Variants in CENPI observed in about 807,000 individuals in gnomAD.
The protein encoded by CENPI is centromere protein I, also known as FSH primary response 1.
CENPI carries 4 observed loss-of-function variants against 60.4 expected under a neutral mutation model. The observed-to-expected ratio is 0.07, with a 90% CI of 0.03 to 0.15. CENPI has a LOEUF of 0.15. Ranked by LOEUF, CENPI falls within the 10% of genes least tolerant of loss-of-function variation. The pLI, the probability that CENPI is intolerant of heterozygous loss-of-function variation, is 1.00. For missense variants in CENPI, 444 were observed against 534.5 expected (o/e 0.83, Z 1.67); for synonymous variants, 157 against 189.4 (o/e 0.83, Z 1.40).
In CENPI at chrX:101,127,006, A is replaced by C. The variant is rs746722302; in HGVS notation, c.778-132A>C. ...TTAATAGATTACTAATCAGAAAAAAAAATACTTTAAGTGCATTTGTATGGG... is the reference window on the plus strand; with the variant it reads ...TTAATAGATTACTAATCAGAAAAAACAATACTTTAAGTGCATTTGTATGGG... On this transcript the variant is annotated intron_variant, in intron 9 of 21. Coordinates refer to ENST00000682095, the MANE Select transcript of CENPI (RefSeq NM_001386188.2). The C allele has an allele frequency of 2.9e-4, 182 of 625,389 alleles. 1 individual carries two copies. The highest frequency in any genetic ancestry group is 4.1e-4 in the Non-Finnish European group (174 of 425,780). 51.5% of individuals were successfully genotyped at this position (625,389 alleles called of 1,213,427 possible). A position where few individuals can be genotyped will look rare whatever the true frequency, so the allele number is the denominator to read the frequency against.
intron 8 of CENPI, among the ~76,000 whole-genome samples, chrX:101,126,205 T>C (rs1272883722): frequency 8.9e-6 from 1 of 112,404 alleles, no homozygotes; most frequent in Non-Finnish European, 1.9e-5. Flanking sequence ...ACATCTTTCG[T>C]TGTGAAATTA....
chrX:101,171,629 G>A, the CENPI span, among the ~76,000 whole-genome samples: 1 of 111,203 alleles, frequency 9.0e-6, no homozygotes, highest in Non-Finnish European at 1.9e-5. Flanking sequence ...AACTGAGTCT[G>A]TGGCTCAGGC....
chrX:101,109,583 A>G lies in CENPI; in HGVS notation c.475A>G (p.Ser159Gly). Residue 159 changes from serine to glycine, a missense_variant, in exon 5 of 22, where the codon AGC (serine) becomes GGC (glycine). By Grantham distance (56) the Ser-to-Gly change is moderately conservative. Coordinates refer to ENST00000682095, the MANE Select transcript of CENPI (RefSeq NM_001386188.2). Reference sequence around the variant, plus strand: ...GCTTTGTGTTGGCAAGTGTTCTGGTAGCACCAAGGTAATCTTTTTAAACAC... The same window carrying G: ...GCTTTGTGTTGGCAAGTGTTCTGGTGGCACCAAGGTAATCTTTTTAAACAC... Reference protein sequence around the residue: ...SWLCVGKCSGSTKVLFYRWLV... With the variant: ...SWLCVGKCSGGTKVLFYRWLV... 1 of 1,184,251 alleles carries G rather than the reference A, an allele frequency of 8.4e-7. No homozygotes were observed. Among genetic ancestry groups the G allele is most frequent in the Non-Finnish European group, 1.1e-6 (1 of 870,670 alleles).
chrX:101,128,631 AT>A, intron 11 of CENPI, 84 bp from the exon 12 acceptor site: 5 of 1,020,554 alleles, frequency 4.9e-6, no homozygotes, highest in Non-Finnish European at 6.7e-6. Context: ...TGCCCAGCCT[AT>A]TTTTGTTATA....
chrX:101,123,389 C>G (rs2089700064), intron 8 of CENPI, among the ~76,000 whole-genome samples: 1 of 110,518 alleles, frequency 9.0e-6, no homozygotes, highest in Non-Finnish European at 1.9e-5. Context: ...TACACTAGGC[C>G]CTGTCCAGAG....
At chrX:101,120,671 A>T in intron 7 of CENPI, 67 bp from the exon 8 acceptor site, 1 of 996,431 alleles carries the variant, frequency 1.0e-6, no homozygotes, top group Non-Finnish European at 1.4e-6. Context: ...CATGGTGGTT[A>T]AATATAACCA....
chrX:101,146,208 G>C lies in CENPI; in HGVS notation c.1757G>C (p.Gly586Ala), dbSNP rs1366919411. 2 of 1,202,306 alleles carry C rather than the reference G, an allele frequency of 1.7e-6. No individual in the cohort carries two copies. The highest frequency in any genetic ancestry group is 3.5e-5 in the African/African-American group (2 of 57,423). ...NLPLVVLFPP[G>A]IFYSALLSLD... ...CCATTAGTGGTATTGTTTCCTCCTG[G>C]GATCTTCTATTCTGCACTCCTCAGC... Residue 586 changes from glycine (G) to alanine (A), a missense_variant, in exon 18 of 22, where the codon GGG (glycine) becomes GCG (alanine). Gly to Ala is a moderately conservative substitution (Grantham distance 60). Coordinates refer to ENST00000682095, the MANE Select transcript of CENPI (RefSeq NM_001386188.2).
the CENPI span, among the ~76,000 whole-genome samples, chrX:101,177,246 A>T: frequency 9.0e-6 from 1 of 111,344 alleles, no homozygotes; most frequent in African/African-American, 3.3e-5. Flanking sequence ...CTCCCAAGCT[A>T]TCCACACTGG....
At chrX:101,179,420 A>G in the CENPI span, among the ~76,000 whole-genome samples, 16 of 112,859 alleles carry the variant, frequency 1.4e-4, no homozygotes, top group Admixed American at 1.1e-3. Context: ...TCCTTCATCA[A>G]TGATGGACAT....
the CENPI span, among the ~76,000 whole-genome samples, chrX:101,178,406 T>C: frequency 1.6e-4 from 12 of 74,848 alleles, no homozygotes; most frequent in African/African-American, 1.5e-4. Context: ...TTCTTTTTTT[T>C]TTTTTTTTTT....
chrX:101,110,471 T>C (rs1218979102), intron 6 of CENPI, among the ~76,000 whole-genome samples: 1 of 112,019 alleles, frequency 8.9e-6, no homozygotes, highest in Non-Finnish European at 1.9e-5. Flanking sequence ...GTGATTTTGA[T>C]TAAATAGCAT....
intron 20 of CENPI, among the ~76,000 whole-genome samples, chrX:101,161,052 CTATCT>C (rs1448851089): frequency 8.9e-6 from 1 of 112,273 alleles, no homozygotes; most frequent in South Asian, 3.6e-4. Context: ...TTTATATTTA[CTATCT>C]TATGTTTATA....
intron 3 of CENPI, among the ~76,000 whole-genome samples, chrX:101,102,063 G>A (rs976784423): frequency 1.8e-5 from 2 of 111,603 alleles, no homozygotes; most frequent in African/African-American, 6.5e-5. Context: ...TTGTAGAGAT[G>A]GAGTCTTGTC....
chrX:101,136,067 G>A (rs923338203), intron 15 of CENPI, among the ~76,000 whole-genome samples: 1 of 111,899 alleles, frequency 8.9e-6, no homozygotes, highest in African/African-American at 3.2e-5. Flanking sequence ...TCTTAAAGTA[G>A]GATTTATTTC....
Position 101,125,459 on chromosome X carries a change from C to T in CENPI, c.688-1250C>T, listed in dbSNP as rs947628650. ...TCACCTAGGCTGGAGTACAGTGATG[C>T]GATCTCAGCTCACTGCTACCTCTGC... On this transcript the variant is annotated intron_variant, in intron 8 of 21. Transcript: ENST00000682095. Among the ~76,000 whole-genome samples, 6 of 111,336 alleles carry T rather than the reference C, an allele frequency of 5.4e-5. No homozygotes were observed. The East Asian group carries it at 8.4e-4, about 16-fold the overall frequency.
intron 21 of CENPI, among the ~76,000 whole-genome samples, chrX:101,162,473 AATAT>A (rs1556409815): frequency 1.0e-4 from 7 of 68,129 alleles, no homozygotes; most frequent in African/African-American, 2.1e-4. Context: ...AAAAAAAAAA[AATAT>A]ATATATATAT....
chrX:101,160,490 C>T (rs960047012), intron 20 of CENPI, among the ~76,000 whole-genome samples: 2 of 107,466 alleles, frequency 1.9e-5, no homozygotes, highest in African/African-American at 6.8e-5. Context: ...AAGCATTTCT[C>T]CTGCCTCAGC....
At chrX:101,133,979 A>G (rs1363140179) in intron 15 of CENPI, among the ~76,000 whole-genome samples, 3 of 111,650 alleles carry the variant, frequency 2.7e-5, no homozygotes, top group Non-Finnish European at 5.6e-5. Context: ...ATGTTTCAAA[A>G]TGTTTGACCA....
At chrX:101,146,883 C>T (rs374390638) in intron 18 of CENPI, among the ~76,000 whole-genome samples, 1,305 of 110,299 alleles carry the variant, frequency 0.012, 7 homozygotes, top group Middle Eastern at 0.088. Flanking sequence ...TACAGGCGCC[C>T]GCCACCACGC....
Sources: allele counts gnomAD v4.1 joint callset (sites outside exome capture counted in the v4.1 genomes callset), GRCh38; gene constraint gnomAD v4.1.1; transcripts MANE v1.5; gene names NCBI Gene and HGNC (gene_info 2026-07-23, HGNC 2026-07-21).